Variants in SCFD1 observed in about 807,000 individuals in gnomAD.
SCFD1 encodes sec1 family domain containing 1.
In SCFD1, 37 loss-of-function variants were observed where a neutral mutation model predicts 103.2. The ratio of observed to expected loss-of-function variants is 0.36; its 90% CI spans 0.28 to 0.47. The LOEUF is 0.47. Ranked by LOEUF, SCFD1 falls within the 20% of genes least tolerant of loss-of-function variation. The pLI, the probability that SCFD1 is intolerant of heterozygous loss-of-function variation, is 1.00. For synonymous variants in SCFD1, 264 were observed against 245.0 expected (o/e 1.08, Z -0.73); for missense variants, 639 against 761.2 (o/e 0.84, Z 1.89).
chr14:30,651,752 C>T (rs949379515), intron 9 of SCFD1, among the ~76,000 whole-genome samples: 3 of 152,016 alleles, frequency 2.0e-5, no homozygotes, highest in Non-Finnish European at 4.4e-5. Flanking sequence ...GGATCTATTT[C>T]TTAATCATTT....
rs183151024 is a variant in SCFD1 at position 30,622,532 on chromosome 14, T to A, written c.61+133T>A. ...CCTAGAACATCAAGAGCCCCTCCCC[T>A]TTGAGTTTTTGGGGAGAAGTTGCCA... is the stretch of plus-strand genomic sequence containing the variant. On this transcript the variant is annotated intron_variant, in intron 1 of 24. Transcript: ENST00000458591. The A allele has an allele frequency of 2.2e-6, 3 of 1,393,294 alleles. No homozygotes were observed. The East Asian group carries it at 7.8e-5, about 36-fold the overall frequency. The allele number at this position is 1,393,294 out of a possible 1,614,324, so 86.3% of individuals were successfully genotyped here. A position where few individuals can be genotyped will look rare whatever the true frequency, so the allele number is the denominator to read the frequency against.
At chr14:30,624,476 A>C (rs188882780) in intron 1 of SCFD1, among the ~76,000 whole-genome samples, 46 of 152,242 alleles carry the variant, frequency 3.0e-4, no homozygotes, top group Admixed American at 2.4e-3. Flanking sequence ...AAAACCTTGA[A>C]GTTTTCTTGA....
At chr14:30,677,526 A>G (rs928677734) in intron 14 of SCFD1, among the ~76,000 whole-genome samples, 1 of 152,168 alleles carries the variant, frequency 6.6e-6, no homozygotes, top group African/African-American at 2.4e-5. Context: ...CTAGATAAAG[A>G]AGCATATTTA....
intron 14 of SCFD1, among the ~76,000 whole-genome samples, chr14:30,690,656 G>A (rs1029069888): frequency 1.2e-4 from 17 of 144,854 alleles, no homozygotes; most frequent in Admixed American, 5.5e-4. Flanking sequence ...GCAATGCCTC[G>A]CCCTGCTTCG....
At chr14:30,693,758 C>A (rs1437169948) in intron 14 of SCFD1, among the ~76,000 whole-genome samples, 2 of 151,872 alleles carry the variant, frequency 1.3e-5, no homozygotes, top group South Asian at 4.2e-4. Context: ...GAATGGTTTC[C>A]ACTCCCACTT....
At chr14:30,628,863 C>G (rs1351176168) in intron 2 of SCFD1, among the ~76,000 whole-genome samples, 1 of 152,146 alleles carries the variant, frequency 6.6e-6, no homozygotes, top group Non-Finnish European at 1.5e-5. Flanking sequence ...GGTTAACAGT[C>G]TCTTTATATT....
chr14:30,705,566 G>A (rs756856816), intron 17 of SCFD1, among the ~76,000 whole-genome samples: 1 of 152,124 alleles, frequency 6.6e-6, no homozygotes, highest in Non-Finnish European at 1.5e-5. Flanking sequence ...AGCCTGGGAG[G>A]TCAAGGCTGC....
At chr14:30,692,185 A>G (rs28649328) in intron 14 of SCFD1, among the ~76,000 whole-genome samples, 5,579 of 152,174 alleles carry the variant, frequency 0.037, 326 homozygotes, top group African/African-American at 0.12. Context: ...AAAAATGATT[A>G]CTTGGTCTGT....
chr14:30,703,482 ATAG>A (rs1251951655), intron 17 of SCFD1, among the ~76,000 whole-genome samples: 2 of 151,468 alleles, frequency 1.3e-5, no homozygotes, highest in African/African-American at 2.4e-5. Context: ...ATAATTCCAA[ATAG>A]TAGAATTTTT....
intron 23 of SCFD1, among the ~76,000 whole-genome samples, chr14:30,730,052 C>G (rs1893337389): frequency 6.6e-6 from 1 of 152,148 alleles, no homozygotes; most frequent in Non-Finnish European, 1.5e-5. Flanking sequence ...TGTTCCCCTT[C>G]CTGTGTCCAA....
intron 9 of SCFD1, among the ~76,000 whole-genome samples, chr14:30,651,974 C>T (rs1324811823): frequency 1.3e-5 from 2 of 152,080 alleles, no homozygotes; most frequent in Non-Finnish European, 2.9e-5. Context: ...ACCACAACCC[C>T]CTATAACAAG....
chr14:30,628,195 CTT>C lies in SCFD1; in HGVS notation c.62-10_62-9del, dbSNP rs1883725152. On this transcript the variant is annotated splice_polypyrimidine_tract_variant and intron_variant, in intron 1 of 24. Coordinates refer to ENST00000458591, the MANE Select transcript of SCFD1 (RefSeq NM_016106.4). ...AAAACAATGACAATATTTGATAAAA[CTT>C]TTTATTTTCAGTGGCTTTGAAGCGT... The C allele has an allele frequency of 6.3e-7, 1 of 1,592,430 alleles. No homozygotes were observed. Among genetic ancestry groups the C allele is most frequent in the African/African-American group, 1.3e-5 (1 of 74,244 alleles).
chr14:30,703,284 T>A (rs1402925874), intron 17 of SCFD1, among the ~76,000 whole-genome samples: 2 of 148,856 alleles, frequency 1.3e-5, no homozygotes, highest in African/African-American at 5.0e-5. Context: ...ATAGCTAAAT[T>A]TGCTTAGGAG....
At chr14:30,669,841 G>A (rs1888379660) in intron 10 of SCFD1, 1 of 152,706 alleles carries the variant, frequency 6.5e-6, no homozygotes, top group African/African-American at 2.4e-5. Flanking sequence ...CCAAACATTG[G>A]ACTACTGTGT....
chr14:30,684,721 ACTT>A (rs1212789161), intron 14 of SCFD1, among the ~76,000 whole-genome samples: 1 of 121,672 alleles, frequency 8.2e-6, no homozygotes, highest in Non-Finnish European at 1.7e-5. Flanking sequence ...CCTTTTACTC[ACTT>A]ATTCTTTTTT....
chr14:30,628,506 T>C (rs1594548958), intron 2 of SCFD1, among the ~76,000 whole-genome samples: 1 of 152,340 alleles, frequency 6.6e-6, no homozygotes, highest in East Asian at 1.9e-4. Flanking sequence ...AGTTGATCTC[T>C]TTGGTAGGAT....
chr14:30,702,603 T>C (rs1170048303), intron 17 of SCFD1, among the ~76,000 whole-genome samples: 1 of 152,124 alleles, frequency 6.6e-6, no homozygotes, highest in Non-Finnish European at 1.5e-5. Flanking sequence ...TCTTTACTGA[T>C]AAGGTGAGAA....
intron 10 of SCFD1, among the ~76,000 whole-genome samples, chr14:30,655,842 T>C (rs1361039343): frequency 3.5e-4 from 53 of 152,130 alleles, no homozygotes; most frequent in Non-Finnish European, 4.4e-5. Context: ...AAATGTGAGA[T>C]GCCGGCCAGG....
chr14:30,681,350 C>T (rs553264397), intron 14 of SCFD1, among the ~76,000 whole-genome samples: 39 of 152,034 alleles, frequency 2.6e-4, no homozygotes, highest in African/African-American at 3.9e-4. Context: ...TTCAGTATTT[C>T]GTGATAATAA....
Sources: gnomAD v4.1 joint callset for allele counts (sites outside exome capture counted in the v4.1 genomes callset) on GRCh38, gnomAD v4.1.1 for gene constraint, MANE v1.5 for transcripts, NCBI Gene and HGNC (gene_info 2026-07-23, HGNC 2026-07-21) for gene names.